DSEL: variants seen among roughly 807,000 people sequenced by gnomAD.
DSEL encodes dermatan sulfate epimerase like.
In DSEL, 61 loss-of-function variants were observed where a neutral mutation model predicts 96.6. The observed-to-expected ratio is 0.63, with a 90% CI of 0.51 to 0.78. The LOEUF is 0.78. Ranked by LOEUF, DSEL falls within the 30% of genes least tolerant of loss-of-function variation. DSEL has a pLI of 0.00. For missense variants in DSEL, 1,320 were observed against 1,430.8 expected (o/e 0.92, Z 1.25); for synonymous variants, 514 against 502.0 (o/e 1.02, Z -0.32).
rs2144055479 is a variant in DSEL, at chr18:67,514,522, A to G, written c.87T>C (p.Tyr29=). 1 of 1,614,176 alleles carries G rather than the reference A, an allele frequency of 6.2e-7. No individual in the cohort carries two copies. ...CATCTGTGAAAACTGCCCATTCGGA[A>G]TAATTGCTCACAGATTCCTCAAAAG... ...FSTFEESVSN[Y]SEWAVFTDDI... Residue 29 remains tyrosine, a synonymous_variant, in exon 2 of 2, where the codon TAT becomes TAC. Coordinates refer to ENST00000310045, the MANE Select transcript of DSEL (RefSeq NM_032160.3).
rs778536579 is a variant in DSEL at position 67,513,723 on chromosome 18, G to A, written c.886C>T (p.Arg296Cys). 11 of 1,614,182 alleles carry A rather than the reference G, an allele frequency of 6.8e-6. No homozygotes were observed. Among genetic ancestry groups the A allele is most frequent in the African/African-American group, 1.3e-5 (1 of 75,032 alleles). ...SVTQYVFLAQ[R>C]HFNINNLDNN... The stretch of plus-strand genomic sequence containing the variant: ...TCCAAGTTGTTGATATTAAAATGGC[G>A]CTGGGCCAGAAAAACATACTGTGTG... The change falls in exon 2 of 2, where the codon CGC (arginine) becomes TGC (cysteine). Residue 296 changes from arginine to cysteine, a missense_variant. Around this residue, in one of 3 missense-constraint regions of DSEL, gnomAD observed 11 missense variants for 31.2 expected, o/e 0.35. Coordinates refer to ENST00000310045, the MANE Select transcript of DSEL (RefSeq NM_032160.3).
chr18:67,514,009 T>A lies in DSEL; in HGVS notation c.600A>T (p.Ile200=). ...NHRRQKYLEK[I]WVITEEMYEY... Reference sequence around the variant, plus strand: ...CGTACATTTCCTCAGTAATAACCCATATTTTTTCCAGGTATTTTTGTCTTC... The same window carrying A: ...CGTACATTTCCTCAGTAATAACCCAAATTTTTTCCAGGTATTTTTGTCTTC... Residue 200 remains isoleucine, a synonymous_variant, in exon 2 of 2, where the codon ATA becomes ATT. Transcript: ENST00000310045. 1 of 1,614,184 alleles carries A rather than the reference T, an allele frequency of 6.2e-7. No homozygotes were observed. The highest frequency in any genetic ancestry group is 1.1e-5 in the South Asian group (1 of 91,080).
rs1054653542 is a variant in DSEL at position 67,506,969 on chromosome 18, G to A, written c.*4001C>T. 6.6e-6 allele frequency: 1 copy of A among 152,122 alleles called. No homozygotes were observed. The highest frequency in any genetic ancestry group is 6.6e-5 in the Admixed American group (1 of 15,264). The allele number at this position is 152,122 out of a possible 1,614,324, so 9.4% of individuals were successfully genotyped here. A position where few individuals can be genotyped will look rare whatever the true frequency, so the allele number is the denominator to read the frequency against. On this transcript the variant is annotated 3_prime_UTR_variant, in exon 2 of 2. Transcript: ENST00000310045. ...TTCTTCCGAAATGAAGTGAAATCAT[G>A]ATTAATCAGATATATCAGACAATTT...
chr18:67,513,069 G>A lies in DSEL; in HGVS notation c.1540C>T (p.Pro514Ser), dbSNP rs1363382564. Reference protein sequence around the residue: ...APSPSSQCNKPWEGQLGECAQ... With the variant: ...APSPSSQCNKSWEGQLGECAQ... ...CATTCTCCCAGTTGACCTTCCCAGG[G>A]CTTATTACACTGGCTTGAGGGTGAT... The change falls in exon 2 of 2, where the codon CCC becomes TCC. Residue 514 changes from proline to serine, a missense_variant. Physicochemically the swap from Pro to Ser is moderately conservative, Grantham distance 74 (BLOSUM62 -1). Coordinates refer to ENST00000310045, the MANE Select transcript of DSEL (RefSeq NM_032160.3). The A allele has an allele frequency of 6.2e-7, 1 of 1,614,152 alleles. No homozygotes were observed. Among genetic ancestry groups the A allele is most frequent in the Non-Finnish European group, 8.5e-7 (1 of 1,180,050 alleles).
Position 67,512,927 on chromosome 18 carries a change from G to A in DSEL, c.1682C>T (p.Ser561Phe). 6.2e-7 allele frequency: 1 copy of A among 1,614,196 alleles called. No individual in the cohort carries two copies. Among genetic ancestry groups the A allele is most frequent in the Non-Finnish European group, 8.5e-7 (1 of 1,180,044 alleles). The change falls in exon 2 of 2, where the codon TCT becomes TTT. Residue 561 changes from serine (S) to phenylalanine (F), a missense_variant. Coordinates refer to ENST00000310045, the MANE Select transcript of DSEL (RefSeq NM_032160.3). Reference sequence around the variant, plus strand: ...TACACTTTTCAGTCTCATTGCTGAAGAATAAGCAGACACGGCTTCCCCACT... The same window carrying A: ...TACACTTTTCAGTCTCATTGCTGAAAAATAAGCAGACACGGCTTCCCCACT... ...FVSGEAVSAY[S>F]SAMRLKSVYR... is the part of the protein sequence containing the mutation.
In DSEL at chr18:67,514,633, AG is replaced by A. The variant is rs750565163; in HGVS notation, c.-26del. On this transcript the variant is annotated 5_prime_UTR_variant, in exon 2 of 2. The change abolishes the stop of an existing upstream ORF in the 5' untranslated region. Coordinates refer to ENST00000310045, the MANE Select transcript of DSEL (RefSeq NM_032160.3). Reference sequence around the variant, plus strand: ...TGATCCATGGGGGAGCTCCTCCCTTAGGCATACATGTCAGATATGATGCTCA... The same window carrying A: ...TGATCCATGGGGGAGCTCCTCCCTTAGCATACATGTCAGATATGATGCTCA... 3 of 1,611,330 alleles carry A rather than the reference AG, an allele frequency of 1.9e-6. No individual in the cohort carries two copies. In the African/African-American group the frequency reaches 4.0e-5, roughly 22 times the overall value.
rs745359170 is a variant in DSEL, at chr18:67,512,376, T to C, written c.2233A>G (p.Ile745Val). 3 of 1,614,226 alleles carry C rather than the reference T, an allele frequency of 1.9e-6. No individual in the cohort carries two copies. The South Asian group carries it at 3.3e-5, about 18-fold the overall frequency. The change falls in exon 2 of 2, where the codon ATA (isoleucine) becomes GTA (valine). Residue 745 changes from isoleucine (I) to valine (V), a missense_variant. Ile to Val is a conservative substitution (Grantham distance 29). This residue lies in a region of DSEL where 986 missense variants were observed against 1,066.4 expected (regional missense o/e 0.92). Transcript: ENST00000310045. ...GFASVADQGQ[I>V]TRFGLGTQAI... ...TGAGTGCCCAAACCAAATCGGGTTA[T>C]TTGGCCTTGATCAGCCACACTGGCA...
In DSEL at chr18:67,509,475, G is replaced by T. The variant is rs1160040069; in HGVS notation, c.*1495C>A. 7.2e-5 allele frequency: 11 copies of T among 152,056 alleles called. No individual in the cohort carries two copies. The highest frequency in any genetic ancestry group is 7.2e-4 in the Admixed American group (11 of 15,252). 9.4% of individuals were successfully genotyped at this position (152,056 alleles called of 1,614,324 possible). On this transcript the variant is annotated 3_prime_UTR_variant, in exon 2 of 2. Coordinates refer to ENST00000310045, the MANE Select transcript of DSEL (RefSeq NM_032160.3). ...ATGGGAAGGAATATGTTGGGGAGGG[G>T]GGGCAGTCTCCACTCACACTATAAT...
In DSEL at chr18:67,512,152, C is replaced by A; in HGVS notation, c.2457G>T (p.Val819=). The A allele has an allele frequency of 6.2e-7, 1 of 1,614,224 alleles. No homozygotes were observed. Among genetic ancestry groups the A allele is most frequent in the East Asian group, 2.2e-5 (1 of 44,888 alleles). The change falls in exon 2 of 2, where the codon GTG becomes GTT. Residue 819 remains valine (V), a synonymous_variant. Transcript: ENST00000310045. ...IALWFIELLD[V]WSTCSQPICA... is the part of the protein sequence containing the mutation. ...AAATGGGCTGACTACAAGTGCTCCA[C>A]ACATCCAAAAGCTCAATAAACCACA...
chr18:67,515,898 ATCTT>A (rs763254505), intron 1 of DSEL, among the ~76,000 whole-genome samples: 5 of 116,182 alleles, frequency 4.3e-5, no homozygotes, highest in Admixed American at 9.6e-5. Context: ...AGTTGAAAAG[ATCTT>A]TTTTTTTTTT....
In DSEL at chr18:67,509,718, T is replaced by C. The variant is rs2089430763; in HGVS notation, c.*1252A>G. On this transcript the variant is annotated 3_prime_UTR_variant, in exon 2 of 2. Coordinates refer to ENST00000310045, the MANE Select transcript of DSEL (RefSeq NM_032160.3). ...AATCTGTACAGAGATTTTCATCAAG[T>C]CTCCACACTGCCTTATGTTTTCATC... is the stretch of plus-strand genomic sequence containing the variant. 6.6e-6 allele frequency: 1 copy of C among 152,486 alleles called. No homozygotes were observed. The highest frequency in any genetic ancestry group is 1.9e-4 in the East Asian group (1 of 5,196). 9.4% of individuals were successfully genotyped at this position (152,486 alleles called of 1,614,324 possible).
In DSEL at chr18:67,511,462, A is replaced by G. The variant is rs1321399414; in HGVS notation, c.3147T>C (p.Tyr1049=). 5 of 1,609,474 alleles carry G rather than the reference A, an allele frequency of 3.1e-6. No homozygotes were observed. The highest frequency in any genetic ancestry group is 3.3e-5 in the Admixed American group (2 of 60,012). ...SMLYNSKPSL[Y]SLKNVPEHLA... ...AATGCTCTGGTACATTCTTCAAAGA[A>G]TAAAGACTTGGTTTACTATTGTACA... The change falls in exon 2 of 2, where the codon TAT becomes TAC. Residue 1049 remains tyrosine (Y), a synonymous_variant. Transcript: ENST00000310045.
chr18:67,512,246 G>C lies in DSEL; in HGVS notation c.2363C>G (p.Thr788Ser). 1 of 1,614,042 alleles carries C rather than the reference G, an allele frequency of 6.2e-7. No homozygotes were observed. Reference sequence around the variant, plus strand: ...AGAAAGGTAAAAACGCCATTGGAAAGTTAAAATCACCAAGCTAATGCACAA... The same window carrying C: ...AGAAAGGTAAAAACGCCATTGGAAACTTAAAATCACCAAGCTAATGCACAA... ...LILCISLVIL[T>S]FQWRFYLSFR... The change falls in exon 2 of 2, where the codon ACT becomes AGT. Residue 788 changes from threonine to serine, a missense_variant. This residue lies in a region of DSEL where 986 missense variants were observed against 1,066.4 expected (regional missense o/e 0.92). Transcript: ENST00000310045.
chr18:67,512,516 G>C lies in DSEL; in HGVS notation c.2093C>G (p.Ser698Cys). 1 of 1,613,906 alleles carries C rather than the reference G, an allele frequency of 6.2e-7. No homozygotes were observed. Among genetic ancestry groups the C allele is most frequent in the Non-Finnish European group, 8.5e-7 (1 of 1,179,792 alleles). Reference protein sequence around the residue: ...NVSSCRFIDSSNPGLQISLNV... With the variant: ...NVSSCRFIDSCNPGLQISLNV... ...GAGAGAAATCTGAAGTCCAGGATTG[G>C]AACTATCAATAAATCTGCAGCTGGA... Residue 698 changes from serine (S) to cysteine (C), a missense_variant, in exon 2 of 2, where the codon TCC becomes TGC. Coordinates refer to ENST00000310045, the MANE Select transcript of DSEL (RefSeq NM_032160.3).
chr18:67,512,320 C>T lies in DSEL; in HGVS notation c.2289G>A (p.Arg763=). ...ATTTAAATCCAAAGGGGAAAATAAT[C>T]CTATCATGTCTTACAGGCTTTACTA... is the stretch of plus-strand genomic sequence containing the variant. The part of the protein sequence containing the change: ...QAIVKPVRHD[R]IIFPFGFKFN... The change falls in exon 2 of 2, where the codon AGG becomes AGA. Residue 763 remains arginine (R), a synonymous_variant. Coordinates refer to ENST00000310045, the MANE Select transcript of DSEL (RefSeq NM_032160.3). 6.2e-7 allele frequency: 1 copy of T among 1,614,180 alleles called. No individual in the cohort carries two copies. The highest frequency in any genetic ancestry group is 8.5e-7 in the Non-Finnish European group (1 of 1,180,046).
At position 67,509,055 on chromosome 18, in the gene DSEL, T is replaced by C. The variant is rs1040322454; in HGVS notation, c.*1915A>G. On this transcript the variant is annotated 3_prime_UTR_variant, in exon 2 of 2. Coordinates refer to ENST00000310045, the MANE Select transcript of DSEL (RefSeq NM_032160.3). ...GGCCGCCAACAGGTACATTTCTGTA[T>C]TGTCTGTACAATGTTAAAATAAAGG... 1.3e-5 allele frequency: 2 copies of C among 152,256 alleles called. No homozygotes were observed. The highest frequency in any genetic ancestry group is 4.8e-5 in the African/African-American group (2 of 41,452). The allele number at this position is 152,256 out of a possible 1,614,324, so 9.4% of individuals were successfully genotyped here.
rs748671653 is a variant in DSEL, at chr18:67,513,742, C to CTG, written c.865_866dup (p.Gln289HisfsTer21). ...AATGGCGCTGGGCCAGAAAAACATA[C>CTG]TGTGTGACGGATTTAGCTGTGTAGC... On this transcript the variant is annotated frameshift_variant, in exon 2 of 2. Transcript: ENST00000310045. LOFTEE classifies it high-confidence loss of function. 1 of 1,614,208 alleles carries CTG rather than the reference C, an allele frequency of 6.2e-7. No individual in the cohort carries two copies. The highest frequency in any genetic ancestry group is 8.5e-7 in the Non-Finnish European group (1 of 1,180,042).
In DSEL at chr18:67,509,460, A is replaced by G. The variant is rs2089429315; in HGVS notation, c.*1510T>C. On this transcript the variant is annotated 3_prime_UTR_variant, in exon 2 of 2. Coordinates refer to ENST00000310045, the MANE Select transcript of DSEL (RefSeq NM_032160.3). ...ACAATCATGAGAGATATGGGAAGGA[A>G]TATGTTGGGGAGGGGGGGCAGTCTC... 6.6e-6 allele frequency: 1 copy of G among 152,110 alleles called. No individual in the cohort carries two copies. Among genetic ancestry groups the G allele is most frequent in the Non-Finnish European group, 1.5e-5 (1 of 68,030 alleles). The allele number at this position is 152,110 out of a possible 1,614,324, so 9.4% of individuals were successfully genotyped here.
In DSEL at chr18:67,512,122, T is replaced by C. The variant is rs2089446756; in HGVS notation, c.2487A>G (p.Ala829=). The stretch of plus-strand genomic sequence containing the variant: ...CCTCAGCCTCTGTCCTTGTCCATTT[T>C]GCACAAATGGGCTGACTACAAGTGC... ...VWSTCSQPIC[A]KWTRTEAEGS... is the part of the protein sequence containing the mutation. The change falls in exon 2 of 2, where the codon GCA becomes GCG. Residue 829 remains alanine, a synonymous_variant. Transcript: ENST00000310045. 3 of 1,614,198 alleles carry C rather than the reference T, an allele frequency of 1.9e-6. No homozygotes were observed. Among genetic ancestry groups the C allele is most frequent in the Non-Finnish European group, 2.5e-6 (3 of 1,180,038 alleles).
Sources: gnomAD v4.1 joint callset for allele counts (sites outside exome capture counted in the v4.1 genomes callset) on GRCh38, gnomAD v4.1.1 for gene constraint, gnomAD v4.1.1 regional missense constraint, MANE v1.5 for transcripts, NCBI Gene and HGNC (gene_info 2026-07-23, HGNC 2026-07-21) for gene names.